The following TULP4 variants were observed in gnomAD, a reference collection of about 807,000 sequenced individuals.
The protein encoded by TULP4 is tubby-related protein 4.
A neutral mutation model predicts 129.0 loss-of-function variants in TULP4; 16 were observed. The ratio of observed to expected loss-of-function variants is 0.12; its 90% CI spans 0.08 to 0.19. The LOEUF (loss-of-function observed/expected upper bound fraction) is 0.19. TULP4 is among the 10% of genes least tolerant of loss of function. TULP4 has a pLI of 1.00. For missense variants in TULP4, 1,842 were observed against 2,059.1 expected (o/e 0.89, Z 2.04); for synonymous variants, 998 against 854.0 (o/e 1.17, Z -2.94).
At chr6:158,298,890 G>C (rs983715422) in intron 1 of TULP4, among the ~76,000 whole-genome samples, 18 of 152,188 alleles carry the variant, frequency 1.2e-4, no homozygotes, top group African/African-American at 3.4e-4. Flanking sequence ...GAGCATACCT[G>C]GGTCAAGAAG....
At chr6:158,457,520 G>A (rs1681986132) in intron 5 of TULP4, among the ~76,000 whole-genome samples, 1 of 152,070 alleles carries the variant, frequency 6.6e-6, no homozygotes, top group Admixed American at 6.6e-5. Context: ...CAATAAGCAG[G>A]GAATTGATTC....
intron 1 of TULP4, among the ~76,000 whole-genome samples, chr6:158,323,600 C>G (rs1415659441): frequency 6.6e-6 from 1 of 152,148 alleles, no homozygotes; most frequent in Admixed American, 6.5e-5. Context: ...AGGGCTGCCC[C>G]ACTCCCGGAG....
Position 158,396,857 on chromosome 6 carries a change from G to A in TULP4, c.253-16208G>A, listed in dbSNP as rs536363371. Among the ~76,000 whole-genome samples, 44 of 152,284 alleles carry A rather than the reference G, an allele frequency of 2.9e-4. No individual in the cohort carries two copies. The South Asian group carries it at 3.5e-3, about 12-fold the overall frequency. ...ACTTTCCCCCCAAGTTCTGGCACTC[G>A]GAATCCCGAGAAATCGGTGGAGGCT... On this transcript the variant is annotated intron_variant, in intron 1 of 13. Transcript: ENST00000367097.
chr6:158,462,236 A>T (rs1405126348), intron 6 of TULP4, among the ~76,000 whole-genome samples: 1 of 152,200 alleles, frequency 6.6e-6, no homozygotes, highest in African/African-American at 2.4e-5. Flanking sequence ...TCACGGAAAC[A>T]GAGAAAGAAG....
intron 1 of TULP4, among the ~76,000 whole-genome samples, chr6:158,364,360 C>T (rs1401502884): frequency 6.6e-6 from 1 of 152,086 alleles, no homozygotes; most frequent in Non-Finnish European, 1.5e-5. Context: ...TAAAACAAGT[C>T]CTTTATTCTG....
At chr6:158,343,001 C>T (rs1448585363) in intron 1 of TULP4, among the ~76,000 whole-genome samples, 1 of 133,146 alleles carries the variant, frequency 7.5e-6, no homozygotes, top group African/African-American at 3.0e-5. Flanking sequence ...ACTGCCTCCA[C>T]CAGGACAGCC....
At chr6:158,468,664 G>A (rs143692061) in intron 6 of TULP4, among the ~76,000 whole-genome samples, 94 of 152,358 alleles carry the variant, frequency 6.2e-4, no homozygotes, top group Non-Finnish European at 1.2e-3. Flanking sequence ...AGGACCAAAT[G>A]TGTCTTAGTC....
intron 1 of TULP4, among the ~76,000 whole-genome samples, chr6:158,346,244 G>A (rs1487286848): frequency 1.3e-5 from 2 of 152,184 alleles, no homozygotes; most frequent in Admixed American, 6.5e-5. Context: ...CTCAGCTTAC[G>A]AAGATAACAG....
At position 158,315,115 on chromosome 6, in the gene TULP4, G is replaced by A. The variant is rs914595916; in HGVS notation, c.252+847G>A. ...GGCATCTTAAAAATGTCATTAAATG[G>A]TTATTAAATAGCTACTGTAAAGGAG... On this transcript the variant is annotated intron_variant, in intron 1 of 13. Coordinates refer to ENST00000367097, the MANE Select transcript of TULP4 (RefSeq NM_020245.5). Among the ~76,000 whole-genome samples, 3 of 152,254 alleles carry A rather than the reference G, an allele frequency of 2.0e-5. No homozygotes were observed. The South Asian group carries it at 6.2e-4, about 32-fold the overall frequency.
chr6:158,430,439 T>C (rs1242955509), intron 3 of TULP4, among the ~76,000 whole-genome samples: 1 of 152,250 alleles, frequency 6.6e-6, no homozygotes, highest in African/African-American at 2.4e-5. Flanking sequence ...AATAAAATTC[T>C]ATATTGATAA....
chr6:158,313,981 A>G lies in TULP4; in HGVS notation c.-36A>G. ...TTGGTTTAAATTTCACAGCATTAAC[A>G]TTACTTTTTAAGTAAAACAGTTCAT... On this transcript the variant is annotated 5_prime_UTR_variant, in exon 1 of 14. Transcript: ENST00000367097. The G allele has an allele frequency of 6.2e-7, 1 of 1,601,732 alleles. No individual in the cohort carries two copies. The highest frequency in any genetic ancestry group is 1.1e-5 in the South Asian group (1 of 90,064).
chr6:158,500,785 G>T (rs1311849388), intron 12 of TULP4, among the ~76,000 whole-genome samples: 1 of 152,232 alleles, frequency 6.6e-6, no homozygotes, highest in Non-Finnish European at 1.5e-5. Flanking sequence ...GCAGATAAAG[G>T]CCAGGCAGGG....
intron 1 of TULP4, among the ~76,000 whole-genome samples, chr6:158,397,381 G>A (rs1777742295): frequency 6.6e-6 from 1 of 152,188 alleles, no homozygotes; most frequent in Non-Finnish European, 1.5e-5. Flanking sequence ...TGGAGACCTT[G>A]TAAATCTCTG....
intron 8 of TULP4, among the ~76,000 whole-genome samples, chr6:158,483,324 C>A (rs1779991196): frequency 6.6e-6 from 1 of 152,070 alleles, no homozygotes; most frequent in Non-Finnish European, 1.5e-5. Flanking sequence ...ACAGGAATTT[C>A]TTTTTTCTTT....
At chr6:158,360,860 T>G (rs1193677134) in intron 1 of TULP4, among the ~76,000 whole-genome samples, 2 of 152,298 alleles carry the variant, frequency 1.3e-5, no homozygotes, top group Non-Finnish European at 2.9e-5. Flanking sequence ...GTTACTACAG[T>G]TATGCCACCA....
upstream of TULP4, among the ~76,000 whole-genome samples, chr6:158,282,072 A>G (rs1019359661): frequency 6.6e-6 from 1 of 152,094 alleles, no homozygotes; most frequent in African/African-American, 2.4e-5. Context: ...TCCTTTTAAA[A>G]GTTATTATAA....
At chr6:158,363,220 A>C (rs956286588) in intron 1 of TULP4, among the ~76,000 whole-genome samples, 3 of 152,170 alleles carry the variant, frequency 2.0e-5, no homozygotes, top group Non-Finnish European at 4.4e-5. Flanking sequence ...ACAGTGTTAC[A>C]ATAATTTACA....
At chr6:158,309,540 G>A (rs546137995), upstream of TULP4, among the ~76,000 whole-genome samples, 11 of 152,132 alleles carry the variant, frequency 7.2e-5, no homozygotes, top group Admixed American at 2.0e-4. Flanking sequence ...CAAGGCAGGC[G>A]GCTGGGAGAT....
intron 5 of TULP4, 26 bp downstream of exon 5, chr6:158,452,294 AC>A (rs1304593873): frequency 3.1e-6 from 5 of 1,610,896 alleles, no homozygotes; most frequent in Non-Finnish European, 3.4e-6. Flanking sequence ...CACACCCCAA[AC>A]CTGCAGACCG....
Sources: allele counts gnomAD v4.1 joint callset (sites outside exome capture counted in the v4.1 genomes callset), GRCh38; gene constraint gnomAD v4.1.1; transcripts MANE v1.5; gene names NCBI Gene and HGNC (gene_info 2026-07-23, HGNC 2026-07-21).